The following RPE variants were observed in gnomAD, a reference collection of about 807,000 sequenced individuals.
RPE encodes the protein ribulose-5-phosphate-3-epimerase, also known as ribulose-phosphate 3-epimerase.
Under a neutral mutation model 24.6 loss-of-function variants are expected in RPE, and 16 were observed. That is an observed-to-expected ratio of 0.65 (90% CI 0.44 to 0.99). The LOEUF (loss-of-function observed/expected upper bound fraction) is 0.99. Among genes scored for constraint, RPE ranks in the 50% least tolerant of loss-of-function variants. The pLI is 0.00. For missense variants in RPE, 240 were observed against 294.5 expected (o/e 0.81, Z 1.35); for synonymous variants, 93 against 98.4 (o/e 0.94, Z 0.33).
Position 210,017,573 on chromosome 2 carries a change from T to A in RPE, c.564+14T>A. 6.2e-7 allele frequency: 1 copy of A among 1,612,454 alleles called. No homozygotes were observed. Among genetic ancestry groups the A allele is most frequent in the South Asian group, 1.1e-5 (1 of 91,008 alleles). On this transcript the variant is annotated intron_variant, in intron 5 of 5. Transcript: ENST00000359429. ...AAATGTGCAGAGGTGAGATTGCTCTTCAACTATGACTAGACCAATTTCCCG... is the reference window on the plus strand; with the variant it reads ...AAATGTGCAGAGGTGAGATTGCTCTACAACTATGACTAGACCAATTTCCCG...
chr2:210,011,831 A>ATTTTTT (rs56083964), intron 2 of RPE, among the ~76,000 whole-genome samples: 2 of 106,716 alleles, frequency 1.9e-5, no homozygotes, highest in African/African-American at 3.6e-5. Context: ...ACAACCGGCT[A>ATTTTTT]TTTTTTTTTT....
At position 210,002,661 on chromosome 2, in the gene RPE, T is replaced by G; in HGVS notation, c.-1T>G. The G allele has an allele frequency of 6.2e-7, 1 of 1,612,340 alleles. No homozygotes were observed. The highest frequency in any genetic ancestry group is 8.5e-7 in the Non-Finnish European group (1 of 1,178,654). Reference sequence around the variant, plus strand: ...GTAACTTGCTTTTGGGAGCCAGCGGTATGGCGTCGGGCTGCAAGATTGGCC... The same window carrying G: ...GTAACTTGCTTTTGGGAGCCAGCGGGATGGCGTCGGGCTGCAAGATTGGCC... On this transcript the variant is annotated 5_prime_UTR_variant, in exon 1 of 6. Coordinates refer to ENST00000359429, the MANE Select transcript of RPE (RefSeq NM_199229.3).
rs374544775 is a variant in RPE, at chr2:210,010,469, T to TC, written c.202+736dup. Among the ~76,000 whole-genome samples, 899 of 152,192 alleles carry TC rather than the reference T, an allele frequency of 5.9e-3. 10 individuals carry two copies. Among genetic ancestry groups the TC allele is most frequent in the African/African-American group, 0.021 (859 of 41,516 alleles). On this transcript the variant is annotated intron_variant, in intron 2 of 5. Transcript: ENST00000359429. ...AATAGAGACTGAGTTTCGCCATGTT[T>TC]CCCGGGCTAGTCTCAAACTCCTGGG...
At chr2:210,009,250 T>TG (rs2093670018) in intron 1 of RPE, among the ~76,000 whole-genome samples, 1 of 152,180 alleles carries the variant, frequency 6.6e-6, no homozygotes. Flanking sequence ...TAGTGCCTTG[T>TG]GATAGAAGTG....
At chr2:210,015,900 A>T (rs1449252531) in intron 2 of RPE, 73 bp from the exon 3 acceptor site, 1 of 1,545,926 alleles carries the variant, frequency 6.5e-7, no homozygotes, top group East Asian at 2.3e-5. Flanking sequence ...GGCAAAAACT[A>T]CATACAGGTT....
intron 4 of RPE, 123 bp downstream of exon 4, chr2:210,016,764 C>A: frequency 7.5e-7 from 1 of 1,333,818 alleles, no homozygotes; most frequent in Non-Finnish European, 1.0e-6. Flanking sequence ...GGGATGCTTA[C>A]AGATCATTCT....
rs1258103038 is a variant in RPE, at chr2:210,020,916, GAGGTGGGTT to G, written c.*1130_*1138del. ...GTACTTTTACAAATGGAGCCCTTGG[GAGGTGGGTT>G]AGGTAAAAGAAGCTTTTTACTTAAC... On this transcript the variant is annotated 3_prime_UTR_variant, in exon 6 of 6. Transcript: ENST00000359429. 6.6e-6 allele frequency: 1 copy of G among 152,496 alleles called. No individual in the cohort carries two copies. Among genetic ancestry groups the G allele is most frequent in the Non-Finnish European group, 1.5e-5 (1 of 67,960 alleles). The allele number at this position is 152,496 out of a possible 1,614,324, so 9.4% of individuals were successfully genotyped here. A position where few individuals can be genotyped will look rare whatever the true frequency, so the allele number is the denominator to read the frequency against.
In RPE at chr2:210,021,650, AGT is replaced by A. The variant is rs2093857886; in HGVS notation, c.*1862_*1863del. Reference sequence around the variant, plus strand: ...AATTTCCAATCTCTAACAAAAACTTAGTGTCAAATCTCACAGATAAGGCCAAA... The same window carrying A: ...AATTTCCAATCTCTAACAAAAACTTAGTCAAATCTCACAGATAAGGCCAAA... On this transcript the variant is annotated 3_prime_UTR_variant, in exon 6 of 6. Transcript: ENST00000359429. 6.6e-6 allele frequency: 1 copy of A among 152,566 alleles called. No homozygotes were observed. Among genetic ancestry groups the A allele is most frequent in the South Asian group, 2.1e-4 (1 of 4,838 alleles). 9.5% of individuals were successfully genotyped at this position (152,566 alleles called of 1,614,324 possible).
chr2:210,002,836 C>G, intron 1 of RPE, 53 bp downstream of exon 1: 1 of 1,613,762 alleles, frequency 6.2e-7, no homozygotes, highest in Non-Finnish European at 8.5e-7. Context: ...CGGATCAGTG[C>G]ACCTTTATTG....
rs1408382121 is a variant in RPE at position 210,002,647 on chromosome 2, T to C, written c.-15T>C. On this transcript the variant is annotated 5_prime_UTR_variant, in exon 1 of 6. Transcript: ENST00000359429. ...CCGGGGACTCGTGGGTAACTTGCTT[T>C]TGGGAGCCAGCGGTATGGCGTCGGG... 5 of 1,610,750 alleles carry C rather than the reference T, an allele frequency of 3.1e-6. No individual in the cohort carries two copies. The highest frequency in any genetic ancestry group is 4.2e-6 in the Non-Finnish European group (5 of 1,177,480).
intron 2 of RPE, among the ~76,000 whole-genome samples, chr2:210,013,312 CTT>C (rs376550426): frequency 2.2e-4 from 30 of 136,988 alleles, no homozygotes; most frequent in Admixed American, 3.7e-4. Flanking sequence ...TAGAGTTATC[CTT>C]TTTTTTTTTT....
At chr2:210,014,681 G>A (rs866840260) in intron 2 of RPE, among the ~76,000 whole-genome samples, 5 of 147,522 alleles carry the variant, frequency 3.4e-5, no homozygotes, top group Non-Finnish European at 7.5e-5. Flanking sequence ...AAATACAAAC[G>A]TTAATCTTGA....
At chr2:210,017,174 C>G (rs2093784344) in intron 4 of RPE, among the ~76,000 whole-genome samples, 1 of 152,212 alleles carries the variant, frequency 6.6e-6, no homozygotes, top group South Asian at 2.1e-4. Context: ...AAACTATTAT[C>G]TCTAACTTTT....
intron 1 of RPE, among the ~76,000 whole-genome samples, chr2:210,009,155 C>T (rs910398370): frequency 6.6e-6 from 1 of 152,166 alleles, no homozygotes; most frequent in Non-Finnish European, 1.5e-5. Flanking sequence ...ATGTAGTAAA[C>T]CCTCGGTGAA....
chr2:210,013,035 A>G (rs1303357247), intron 2 of RPE, among the ~76,000 whole-genome samples: 1 of 152,232 alleles, frequency 6.6e-6, no homozygotes, highest in East Asian at 1.9e-4. Flanking sequence ...TAACCTTTAT[A>G]AAATTACCAC....
intron 2 of RPE, 31 bp from the exon 3 acceptor site, chr2:210,015,942 A>G: frequency 6.2e-7 from 1 of 1,604,000 alleles, no homozygotes; most frequent in Non-Finnish European, 8.5e-7. Flanking sequence ...GGTATTTTTC[A>G]GTAATATTTT....
intron 2 of RPE, among the ~76,000 whole-genome samples, 186 bp from the exon 3 acceptor site, chr2:210,015,787 T>C (rs2125082451): frequency 6.6e-6 from 1 of 152,296 alleles, no homozygotes; most frequent in Admixed American, 6.5e-5. Flanking sequence ...GTAAATGAAT[T>C]TAAATAAATC....
intron 1 of RPE, among the ~76,000 whole-genome samples, chr2:210,006,451 C>T (rs183207492): frequency 1.3e-5 from 2 of 152,176 alleles, no homozygotes; most frequent in African/African-American, 2.4e-5. Context: ...CAATATACTT[C>T]GTGAACCTAG....
chr2:210,018,385 AC>A (rs1400923089), intron 5 of RPE: 1 of 982,826 alleles, frequency 1.0e-6, no homozygotes, highest in African/African-American at 1.8e-5. Context: ...AGAAGTAAAA[AC>A]TTTTTTTTAC....
Sources: gnomAD v4.1 joint callset for allele counts (sites outside exome capture counted in the v4.1 genomes callset) on GRCh38, gnomAD v4.1.1 for gene constraint, MANE v1.5 for transcripts, NCBI Gene and HGNC (gene_info 2026-07-23, HGNC 2026-07-21) for gene names.